The following RUNDC3B variants were observed in gnomAD, a reference collection of about 807,000 sequenced individuals.
RUNDC3B encodes the protein RUN domain containing 3B.
RUNDC3B carries 33 observed loss-of-function variants against 58.4 expected under a neutral mutation model. The observed-to-expected ratio is 0.56, with a 90% CI of 0.43 to 0.75. The LOEUF (loss-of-function observed/expected upper bound fraction) is 0.75, where lower values mean the gene tolerates loss of function less well. RUNDC3B is among the 30% of genes least tolerant of loss of function. The probability of loss-of-function intolerance (pLI) is 0.00; values close to 1 mark genes in which losing one functional copy is unlikely to be tolerated. For synonymous variants in RUNDC3B, 193 were observed against 195.2 expected, an observed-to-expected ratio of 0.99 and a Z score of 0.10; for missense variants, 501 against 535.7, an observed-to-expected ratio of 0.94 and a Z score of 0.64.
chr7:87,655,360 G>T (rs763616026), intron 2 of RUNDC3B, among the ~76,000 whole-genome samples: 15 of 152,104 alleles, frequency 9.9e-5, no homozygotes, highest in Admixed American at 2.6e-4. Context: ...AAAAAGTTGC[G>T]TATATAAACA....
chr7:87,647,152 T>A (rs1464848523), intron 1 of RUNDC3B, among the ~76,000 whole-genome samples: 2 of 152,216 alleles, frequency 1.3e-5, no homozygotes, highest in East Asian at 3.8e-4. Flanking sequence ...ATAGGAGAGT[T>A]ATTTCATTAC....
intron 2 of RUNDC3B, among the ~76,000 whole-genome samples, chr7:87,686,163 T>C (rs1005642712): frequency 5.3e-5 from 8 of 152,224 alleles, no homozygotes; most frequent in Non-Finnish European, 7.3e-5. Context: ...TTTTTTTTCT[T>C]ACAATTTTTC....
intron 8 of RUNDC3B, among the ~76,000 whole-genome samples, chr7:87,799,567 C>G (rs1163024560): frequency 6.6e-6 from 1 of 152,094 alleles, no homozygotes; most frequent in Non-Finnish European, 1.5e-5. Context: ...CATTTAAGTA[C>G]TCACAACCAA....
intron 2 of RUNDC3B, among the ~76,000 whole-genome samples, chr7:87,675,215 C>G (rs900587673): frequency 3.3e-5 from 5 of 152,218 alleles, no homozygotes; most frequent in African/African-American, 1.2e-4. Context: ...CCAGTGTCTG[C>G]TTCCTCCCTC....
intron 6 of RUNDC3B, among the ~76,000 whole-genome samples, chr7:87,769,422 C>CT (rs1252740003): frequency 6.6e-6 from 1 of 151,946 alleles, no homozygotes; most frequent in Non-Finnish European, 1.5e-5. Flanking sequence ...CTGCCATCTC[C>CT]TTTTTTGTTT....
At chr7:87,723,903 C>T (rs998662930) in intron 4 of RUNDC3B, among the ~76,000 whole-genome samples, 5 of 152,068 alleles carry the variant, frequency 3.3e-5, no homozygotes, top group Admixed American at 2.0e-4. Context: ...AACATTTAAT[C>T]GTACACATCA....
chr7:87,810,541 C>T (rs1279659897), intron 9 of RUNDC3B, among the ~76,000 whole-genome samples: 1 of 152,060 alleles, frequency 6.6e-6, no homozygotes, highest in East Asian at 1.9e-4. Flanking sequence ...TAATGGCCTC[C>T]TGTTTGTTTA....
At chr7:87,637,066 A>G (rs914478092) in intron 1 of RUNDC3B, among the ~76,000 whole-genome samples, 1 of 152,204 alleles carries the variant, frequency 6.6e-6, no homozygotes, top group South Asian at 2.1e-4. Flanking sequence ...TGAGACTAGC[A>G]TGGGGGAAAA....
At chr7:87,715,884 A>C (rs968069819) in intron 4 of RUNDC3B, among the ~76,000 whole-genome samples, 3 of 152,056 alleles carry the variant, frequency 2.0e-5, no homozygotes, top group African/African-American at 7.2e-5. Flanking sequence ...GTCTGTATGG[A>C]GTAAGTGCGT....
At chr7:87,700,656 A>C in intron 3 of RUNDC3B, 102 bp downstream of exon 3, 1 of 1,077,394 alleles carries the variant, frequency 9.3e-7, no homozygotes, top group South Asian at 1.6e-5. Flanking sequence ...TCCTTTTCTT[A>C]AGAAGCATAA....
intron 8 of RUNDC3B, among the ~76,000 whole-genome samples, chr7:87,780,773 C>A (rs1834880318): frequency 1.3e-5 from 2 of 152,092 alleles, no homozygotes; most frequent in South Asian, 4.1e-4. Context: ...TCAACTTTGT[C>A]AAAGATAAGA....
intron 7 of RUNDC3B, among the ~76,000 whole-genome samples, chr7:87,773,636 G>T (rs189405672): frequency 2.7e-4 from 39 of 141,860 alleles, no homozygotes; most frequent in Admixed American, 8.2e-4. Flanking sequence ...TTTTTGTTTG[G>T]TTTGTTTTGT....
At position 87,720,300 on chromosome 7, in the gene RUNDC3B, C is replaced by G. The variant is rs553419136; in HGVS notation, c.458+9645C>G. Among the ~76,000 whole-genome samples, 20 of 151,722 alleles carry G rather than the reference C, an allele frequency of 1.3e-4. No individual in the cohort carries two copies. In the East Asian group the frequency reaches 3.7e-3, roughly 28 times the overall value. On this transcript the variant is annotated intron_variant, in intron 4 of 10. Transcript: ENST00000394654. ...TATTATTTCTTTTATGTCATTTTAG[C>G]CAAGTTTAGATAGAAAGATGAGAGA...
chr7:87,811,853 T>C (rs959783933), intron 9 of RUNDC3B, among the ~76,000 whole-genome samples: 2 of 152,222 alleles, frequency 1.3e-5, no homozygotes, highest in Non-Finnish European at 2.9e-5. Context: ...TAAGAGAATA[T>C]AGATATTCTC....
chr7:87,783,939 CTTTCACGT>C (rs1835075321), intron 8 of RUNDC3B, among the ~76,000 whole-genome samples: 1 of 151,800 alleles, frequency 6.6e-6, no homozygotes, highest in Non-Finnish European at 1.5e-5. Context: ...GAGATTTTTT[CTTTCACGT>C]TGACCTGGCA....
intron 10 of RUNDC3B, among the ~76,000 whole-genome samples, chr7:87,818,785 C>T (rs1451740913): frequency 6.6e-6 from 1 of 152,074 alleles, no homozygotes; most frequent in Non-Finnish European, 1.5e-5. Flanking sequence ...TCAAAAATCA[C>T]CTCTAGAAAG....
At chr7:87,698,035 G>A (rs1203900626) in intron 2 of RUNDC3B, among the ~76,000 whole-genome samples, 2 of 152,222 alleles carry the variant, frequency 1.3e-5, no homozygotes, top group Admixed American at 1.3e-4. Context: ...GTGATGGAGA[G>A]AGATTAAGAG....
intron 2 of RUNDC3B, among the ~76,000 whole-genome samples, chr7:87,678,566 A>G (rs1826608726): frequency 6.6e-6 from 1 of 152,216 alleles, no homozygotes. Flanking sequence ...ACAGAAAACA[A>G]ACAATAAAAT....
chr7:87,777,593 TTAGAG>T (rs1308633589), intron 7 of RUNDC3B, among the ~76,000 whole-genome samples, 200 bp from the exon 8 acceptor site: 4 of 152,206 alleles, frequency 2.6e-5, no homozygotes, highest in South Asian at 4.1e-4. Flanking sequence ...TTCTCAAACT[TTAGAG>T]AAGAGTTTTA....
Sources: allele counts gnomAD v4.1 joint callset (sites outside exome capture counted in the v4.1 genomes callset), GRCh38; gene constraint gnomAD v4.1.1; transcripts MANE v1.5; gene names NCBI Gene and HGNC (gene_info 2026-07-23, HGNC 2026-07-21).